The following BCAR1 variants were observed in gnomAD, a reference collection of about 807,000 sequenced individuals.
BCAR1 encodes the protein breast cancer anti-estrogen resistance protein 1.
In BCAR1, 30 loss-of-function variants were observed where a neutral mutation model predicts 67.6. The observed-to-expected ratio is 0.44, with a 90% CI of 0.33 to 0.60. BCAR1 has a LOEUF of 0.60. Ranked by LOEUF, BCAR1 falls within the 20% of genes least tolerant of loss-of-function variation. BCAR1 has a pLI of 0.02. For missense variants in BCAR1, 1,313 were observed against 1,222.3 expected, an observed-to-expected ratio of 1.07 and a Z score of -1.11; for synonymous variants, 626 against 556.7, an observed-to-expected ratio of 1.12 and a Z score of -1.75.
At chr16:75,236,199 C>T (rs1327136631) in intron 4 of BCAR1, 3 of 616,026 alleles carry the variant, frequency 4.9e-6, no homozygotes, top group Non-Finnish European at 8.1e-6. Flanking sequence ...GCACACACAT[C>T]CTTCACAATT....
intron 1 of BCAR1, among the ~76,000 whole-genome samples, chr16:75,244,788 G>T (rs961398466): frequency 1.3e-5 from 2 of 152,210 alleles, no homozygotes; most frequent in African/African-American, 2.4e-5. Context: ...CACAAGGGCA[G>T]AGGCCCTGGA....
At chr16:75,245,086 G>T (rs1336595843) in intron 1 of BCAR1, among the ~76,000 whole-genome samples, 1 of 152,258 alleles carries the variant, frequency 6.6e-6, no homozygotes, top group Non-Finnish European at 1.5e-5. Flanking sequence ...CTAGGGGCCA[G>T]AGCCCCACAG....
chr16:75,245,851 A>G (rs1358035982), intron 1 of BCAR1: 1 of 150,698 alleles, frequency 6.6e-6, no homozygotes, highest in African/African-American at 2.5e-5. Flanking sequence ...CTTCTTCCTC[A>G]CTAGGCAGAC....
chr16:75,264,011 C>T (rs2077956523), intron 1 of BCAR1: 1 of 1,206,630 alleles, frequency 8.3e-7, no homozygotes, highest in Admixed American at 4.2e-5. Flanking sequence ...CCACCCCCAG[C>T]AGAATTCTCC....
rs2077957737 is a variant in BCAR1, at chr16:75,264,098, GA to G, written c.66+3816del. 3 of 1,252,414 alleles carry G rather than the reference GA, an allele frequency of 2.4e-6. No individual in the cohort carries two copies. In the African/African-American group the frequency reaches 4.6e-5, roughly 19 times the overall value. The allele number at this position is 1,252,414 out of a possible 1,614,324, so 77.6% of individuals were successfully genotyped here. ...GTGTGGCCAGGCTGCAGGTCCCCAC[GA>G]CAGTGCCTATCTGTCCAAGTCCTAC... On this transcript the variant is annotated intron_variant, in intron 1 of 6. Coordinates refer to the BCAR1 transcript ENST00000393422.
intron 1 of BCAR1, among the ~76,000 whole-genome samples, chr16:75,244,826 T>C (rs138032609): frequency 6.6e-6 from 1 of 152,122 alleles, no homozygotes; most frequent in Non-Finnish European, 1.5e-5. Context: ...ACACCATGAT[T>C]ACAACAAAAT....
upstream of BCAR1, chr16:75,251,816 C>G (rs2077688952): frequency 2.6e-6 from 1 of 385,700 alleles, no homozygotes; most frequent in Admixed American, 6.3e-5. Context: ...CCCGAGGCTC[C>G]AGGCCCCTGC....
At chr16:75,243,328 C>G (rs1231756175) in intron 1 of BCAR1, 2 of 636,084 alleles carry the variant, frequency 3.1e-6, no homozygotes, top group Non-Finnish European at 5.7e-6. Context: ...TCAAAATCCT[C>G]TTGACCACTG....
Position 75,234,922 on chromosome 16 carries a change from G to A in BCAR1, c.1977C>T (p.Gly659=). Residue 659 remains glycine, a synonymous_variant, in exon 5 of 7, where the codon GGC becomes GGT. Coordinates refer to ENST00000162330, the MANE Select transcript of BCAR1 (RefSeq NM_014567.5). ...PDGQYENSEG[G]WMEDYDYVHL... is the part of the protein sequence containing the mutation. ...GGACGTAGTCATAGTCCTCCATCCA[G>A]CCCCCCTCGCTGTTCTCGTACTGCC... 2 of 1,553,270 alleles carry A rather than the reference G, an allele frequency of 1.3e-6. No homozygotes were observed. The highest frequency in any genetic ancestry group is 1.2e-5 in the South Asian group (1 of 81,650).
chr16:75,249,686 G>A (rs1476024346), intron 1 of BCAR1: 1 of 152,370 alleles, frequency 6.6e-6, no homozygotes, highest in Non-Finnish European at 1.5e-5. Flanking sequence ...GGAAGGAGTT[G>A]TCCAGGCTCA....
chr16:75,256,808 T>C (rs1345689902), intron 1 of BCAR1, among the ~76,000 whole-genome samples: 1 of 152,024 alleles, frequency 6.6e-6, no homozygotes, highest in Admixed American at 6.5e-5. Flanking sequence ...CCCTCCTCTC[T>C]CAGCTCTCCC....
chr16:75,261,637 G>C (rs183389280), intron 1 of BCAR1, among the ~76,000 whole-genome samples: 2 of 152,360 alleles, frequency 1.3e-5, no homozygotes, highest in African/African-American at 2.4e-5. Flanking sequence ...GTCACTCTCT[G>C]GTTGGAGTGA....
chr16:75,251,099 G>C (rs534676800), intron 1 of BCAR1, among the ~76,000 whole-genome samples: 5 of 152,282 alleles, frequency 3.3e-5, no homozygotes, highest in Non-Finnish European at 7.4e-5. Context: ...GAGGCTCAAC[G>C]GCCCCTCCTC....
At chr16:75,250,868 G>A in intron 1 of BCAR1, 1 of 985,542 alleles carries the variant, frequency 1.0e-6, no homozygotes, top group Non-Finnish European at 1.2e-6. Context: ...CGGCGTGCGG[G>A]GCTGCAAAGC....
intron 1 of BCAR1, chr16:75,263,694 G>A (rs1235417620): frequency 2.0e-6 from 2 of 985,334 alleles, no homozygotes; most frequent in Non-Finnish European, 2.4e-6. Flanking sequence ...GGGCCAAAGT[G>A]CCTGCTGCGT....
At chr16:75,234,317 G>A (rs947989631) in intron 5 of BCAR1, among the ~76,000 whole-genome samples, 2 of 152,146 alleles carry the variant, frequency 1.3e-5, no homozygotes, top group African/African-American at 4.8e-5. Flanking sequence ...CCGCCTGCCA[G>A]CTCAGGAAGA....
At chr16:75,255,557 G>A (rs555375931), upstream of BCAR1, among the ~76,000 whole-genome samples, 3 of 152,268 alleles carry the variant, frequency 2.0e-5, no homozygotes, top group East Asian at 5.8e-4. Context: ...TTAGCTGGCC[G>A]TGGTGGCGGG....
intron 1 of BCAR1, chr16:75,264,609 T>G: frequency 1.6e-6 from 2 of 1,281,872 alleles, no homozygotes; most frequent in African/African-American, 1.5e-5. Context: ...CATCTGTAAA[T>G]ACATTACCAC....
chr16:75,248,096 T>TG (rs2077574032), intron 1 of BCAR1: 2 of 1,596,990 alleles, frequency 1.3e-6, no homozygotes, highest in African/African-American at 2.7e-5. Flanking sequence ...AGAAGCTCCC[T>TG]GACAGCCCAG....
Sources: gnomAD v4.1 joint callset for allele counts (sites outside exome capture counted in the v4.1 genomes callset) on GRCh38, gnomAD v4.1.1 for gene constraint, MANE v1.5 for transcripts, NCBI Gene and HGNC (gene_info 2026-07-23, HGNC 2026-07-21) for gene names.